GPC5: variants seen among roughly 807,000 people sequenced by gnomAD.
The protein encoded by GPC5 is glypican-5.
In GPC5, 47 loss-of-function variants were observed where a neutral mutation model predicts 53.9. The observed-to-expected ratio is 0.87, with a 90% CI of 0.69 to 1.11. The LOEUF is 1.11. GPC5 is among the 50% of genes most tolerant of loss of function. The pLI is 0.00. For missense variants in GPC5, 748 were observed against 713.1 expected, an observed-to-expected ratio of 1.05 and a Z score of -0.56; for synonymous variants, 286 against 263.3, an observed-to-expected ratio of 1.09 and a Z score of -0.84.
intron 2 of GPC5, among the ~76,000 whole-genome samples, chr13:91,657,425 C>T (rs968583181): frequency 1.3e-5 from 2 of 152,058 alleles, no homozygotes; most frequent in African/African-American, 4.8e-5. Flanking sequence ...TTCCATGTGA[C>T]CTTTGGCAAT....
chr13:91,544,300 C>T (rs1228630890), intron 2 of GPC5, among the ~76,000 whole-genome samples: 1 of 151,978 alleles, frequency 6.6e-6, no homozygotes, highest in Non-Finnish European at 1.5e-5. Context: ...TTCTTAGACA[C>T]AATATTTTTA....
intron 7 of GPC5, among the ~76,000 whole-genome samples, chr13:92,693,567 G>A (rs1379632429): frequency 6.6e-6 from 1 of 152,144 alleles, no homozygotes; most frequent in Non-Finnish European, 1.5e-5. Flanking sequence ...TTGGACTTGA[G>A]AGAGATAATT....
At chr13:92,849,222 G>T (rs1035179538) in intron 7 of GPC5, among the ~76,000 whole-genome samples, 4 of 152,028 alleles carry the variant, frequency 2.6e-5, no homozygotes, top group Non-Finnish European at 5.9e-5. Flanking sequence ...CATGGATAAT[G>T]TTGCTCTTCT....
intron 7 of GPC5, among the ~76,000 whole-genome samples, chr13:92,314,061 C>T (rs2043162684): frequency 6.6e-6 from 1 of 152,134 alleles, no homozygotes; most frequent in Non-Finnish European, 1.5e-5. Flanking sequence ...AATGGAGGTT[C>T]ACAGATTTTT....
At chr13:92,103,047 G>A (rs546251982) in intron 6 of GPC5, among the ~76,000 whole-genome samples, 4 of 152,184 alleles carry the variant, frequency 2.6e-5, no homozygotes, top group Admixed American at 6.5e-5. Flanking sequence ...AGTTTTTGTA[G>A]AGACAGGGTG....
intron 2 of GPC5, among the ~76,000 whole-genome samples, chr13:91,616,467 G>A (rs868130537): frequency 1.6e-4 from 24 of 151,960 alleles, no homozygotes; most frequent in Non-Finnish European, 2.2e-4. Context: ...TACACATAAC[G>A]CCACTAAATG....
At chr13:92,473,677 T>C (rs1210722635) in intron 7 of GPC5, among the ~76,000 whole-genome samples, 1 of 152,168 alleles carries the variant, frequency 6.6e-6, no homozygotes, top group East Asian at 1.9e-4. Flanking sequence ...GTTATGTAAA[T>C]TGTATATAGA....
At chr13:91,626,717 C>A (rs949578369) in intron 2 of GPC5, among the ~76,000 whole-genome samples, 2 of 151,784 alleles carry the variant, frequency 1.3e-5, no homozygotes, top group African/African-American at 4.8e-5. Flanking sequence ...ATGTGCACTA[C>A]GTGCAGGTTT....
At chr13:92,657,579 G>GTTTTTTTTTTTTTTTTTTTTTTTTTT (rs67038073) in intron 7 of GPC5, among the ~76,000 whole-genome samples, 1 of 106,730 alleles carries the variant, frequency 9.4e-6, no homozygotes. Flanking sequence ...AGGTTTTTTG[G>GTTTTTTTTTTTTTTTTTTTTTTTTTT]TTTTTTTTTT....
intron 7 of GPC5, among the ~76,000 whole-genome samples, chr13:92,198,719 G>A (rs1208603880): frequency 6.6e-6 from 1 of 152,064 alleles, no homozygotes; most frequent in Middle Eastern, 3.2e-3. Context: ...GATTCAGAGT[G>A]GGCATTCGTA....
chr13:92,458,573 C>T (rs1180440870), intron 7 of GPC5, among the ~76,000 whole-genome samples: 1 of 151,972 alleles, frequency 6.6e-6, no homozygotes, highest in Non-Finnish European at 1.5e-5. Flanking sequence ...GCTGGGATTT[C>T]AGGCGTGAGC....
chr13:91,989,197 T>A (rs1306588238), intron 6 of GPC5, among the ~76,000 whole-genome samples: 3 of 152,120 alleles, frequency 2.0e-5, no homozygotes, highest in Non-Finnish European at 4.4e-5. Flanking sequence ...ATAAAGTAGG[T>A]TTTTTACTGA....
chr13:92,020,910 G>A (rs1332845816), intron 6 of GPC5, among the ~76,000 whole-genome samples: 1 of 151,994 alleles, frequency 6.6e-6, no homozygotes, highest in Non-Finnish European at 1.5e-5. Flanking sequence ...TCATTGCCAA[G>A]ACCGATGGCA....
chr13:92,803,316 C>T (rs1352699274), intron 7 of GPC5, among the ~76,000 whole-genome samples: 1 of 151,842 alleles, frequency 6.6e-6, no homozygotes, highest in Non-Finnish European at 1.5e-5. Context: ...ACTATTACAC[C>T]CTATCTACAG....
chr13:92,472,545 G>T (rs1344443425), intron 7 of GPC5, among the ~76,000 whole-genome samples: 1 of 152,086 alleles, frequency 6.6e-6, no homozygotes, highest in Non-Finnish European at 1.5e-5. Flanking sequence ...AAATAGAACA[G>T]CTTGTTCAGA....
At chr13:92,395,779 G>T (rs1366606939) in intron 7 of GPC5, among the ~76,000 whole-genome samples, 2 of 151,914 alleles carry the variant, frequency 1.3e-5, no homozygotes, top group Admixed American at 6.6e-5. Context: ...GTTTTTAATG[G>T]GAGTCCACTG....
chr13:91,721,545 C>T (rs762763298), intron 3 of GPC5, among the ~76,000 whole-genome samples: 1 of 152,124 alleles, frequency 6.6e-6, no homozygotes, highest in Non-Finnish European at 1.5e-5. Flanking sequence ...CAAAATTCTC[C>T]AGTTACTTCA....
intron 7 of GPC5, among the ~76,000 whole-genome samples, chr13:92,639,450 A>G (rs975266052): frequency 6.6e-6 from 1 of 152,262 alleles, no homozygotes. Flanking sequence ...TGTATCATAG[A>G]TACTGTGAAA....
chr13:92,746,021 C>T (rs985350179), intron 7 of GPC5, among the ~76,000 whole-genome samples: 3 of 152,040 alleles, frequency 2.0e-5, no homozygotes, highest in South Asian at 2.1e-4. Flanking sequence ...CACATTTAAT[C>T]AATTAGCTAT....
Sources: gnomAD v4.1 joint callset for allele counts (sites outside exome capture counted in the v4.1 genomes callset) on GRCh38, gnomAD v4.1.1 for gene constraint, MANE v1.5 for transcripts, NCBI Gene and HGNC (gene_info 2026-07-23, HGNC 2026-07-21) for gene names.